Variants in RASSF8 observed in about 807,000 individuals in gnomAD.
The protein encoded by RASSF8 is ras association domain-containing protein 8.
RASSF8 carries 22 observed loss-of-function variants against 48.5 expected under a neutral mutation model. That is an observed-to-expected ratio of 0.45 (90% CI 0.32 to 0.65). RASSF8 has a LOEUF of 0.65. Among genes scored for constraint, RASSF8 ranks in the 30% least tolerant of loss-of-function variants. The probability of loss-of-function intolerance (pLI) is 0.03; values close to 1 mark genes in which losing one functional copy is unlikely to be tolerated. For synonymous variants in RASSF8, 127 were observed against 171.5 expected (o/e 0.74, Z 2.03); for missense variants, 418 against 489.2 (o/e 0.85, Z 1.37).
In RASSF8 at chr12:26,057,154, T is replaced by C. The variant is rs148545461; in HGVS notation, c.103+1708T>C. On this transcript the variant is annotated intron_variant, in intron 3 of 5. Coordinates refer to ENST00000689635, the MANE Select transcript of RASSF8 (RefSeq NM_001394098.1). Reference sequence around the variant, plus strand: ...GTTCCATTTTTTTAAAATTACACTTTAAGTTCTAGGGTACATGTGCACAAC... The same window carrying C: ...GTTCCATTTTTTTAAAATTACACTTCAAGTTCTAGGGTACATGTGCACAAC... 9.3e-3 allele frequency among the ~76,000 whole-genome samples: 1,407 copies of C among 151,584 alleles called. 15 individuals carry two copies. The highest frequency in any genetic ancestry group is 0.032 in the African/African-American group (1,338 of 41,212).
chr12:25,968,151 C>T (rs1941401122), intron 1 of RASSF8, among the ~76,000 whole-genome samples: 1 of 152,186 alleles, frequency 6.6e-6, no homozygotes, highest in Non-Finnish European at 1.5e-5. Context: ...ACTCACTCCC[C>T]AGCCAGGTAC....
chr12:26,042,978 G>C (rs995485017), intron 2 of RASSF8, among the ~76,000 whole-genome samples: 2 of 152,066 alleles, frequency 1.3e-5, no homozygotes, highest in Non-Finnish European at 2.9e-5. Context: ...TTTCTCATTA[G>C]TATTGTGCCC....
rs1230394227 is a variant in RASSF8, at chr12:25,959,151, A to G, written c.-203+3A>G. The G allele has an allele frequency of 2.6e-5, 4 of 151,798 alleles. No individual in the cohort carries two copies. Among genetic ancestry groups the G allele is most frequent in the Non-Finnish European group, 5.9e-5 (4 of 67,910 alleles). 9.4% of individuals were successfully genotyped at this position (151,798 alleles called of 1,614,324 possible). On this transcript the variant is annotated splice_donor_region_variant and intron_variant, in intron 1 of 5. Transcript: ENST00000689635. ...GGGCGGCGCAGTTGCGAAACTGAGT[A>G]AGTATTAACTTTACTTAGCGGCGGC...
At chr12:26,040,431 G>A (rs976996958) in intron 2 of RASSF8, among the ~76,000 whole-genome samples, 11 of 152,312 alleles carry the variant, frequency 7.2e-5, no homozygotes, top group Middle Eastern at 3.4e-3. Flanking sequence ...TGGTGAAGTG[G>A]CATCTTACCC....
chr12:26,064,595 G>T lies in RASSF8; in HGVS notation c.201G>T (p.Gly67=). The change falls in exon 4 of 6, where the codon GGG becomes GGT. Residue 67 remains glycine (G), a synonymous_variant. Coordinates refer to ENST00000689635, the MANE Select transcript of RASSF8 (RefSeq NM_001394098.1). ...CTATCATATCCTTAAACAAATGGGG[G>T]CAGTATGCTAGTGATGTGCAGCTCA... The part of the protein sequence containing the change: ...ENPIISLNKW[G]QYASDVQLIL... 6.2e-7 allele frequency: 1 copy of T among 1,614,114 alleles called. No homozygotes were observed. The highest frequency in any genetic ancestry group is 8.5e-7 in the Non-Finnish European group (1 of 1,179,992).
At chr12:26,042,777 A>G (rs914830006) in intron 2 of RASSF8, among the ~76,000 whole-genome samples, 2 of 152,218 alleles carry the variant, frequency 1.3e-5, no homozygotes, top group Non-Finnish European at 2.9e-5. Context: ...GGTTAGAACA[A>G]TAGCATTTTT....
intron 2 of RASSF8, among the ~76,000 whole-genome samples, chr12:26,033,904 G>C (rs1943077400): frequency 6.6e-6 from 1 of 152,048 alleles, no homozygotes. Flanking sequence ...TTGTAAAATG[G>C]GGATGAGAAT....
downstream of RASSF8, among the ~76,000 whole-genome samples, chr12:26,074,592 C>A (rs1417907883): frequency 6.6e-6 from 1 of 152,030 alleles, no homozygotes; most frequent in African/African-American, 2.4e-5. Flanking sequence ...TTCCACCCGC[C>A]TCGTCCTCCC....
chr12:26,015,347 G>A (rs1294717633), intron 2 of RASSF8, among the ~76,000 whole-genome samples: 1 of 152,164 alleles, frequency 6.6e-6, no homozygotes, highest in East Asian at 1.9e-4. Context: ...TTGAGCCAAA[G>A]ACCACAAAAA....
chr12:26,001,113 T>G (rs1287422813), intron 2 of RASSF8, among the ~76,000 whole-genome samples: 2 of 150,124 alleles, frequency 1.3e-5, no homozygotes, highest in Non-Finnish European at 3.0e-5. Flanking sequence ...GCCTATCGAG[T>G]AGCTGGGACT....
At chr12:25,998,607 A>G (rs959971916) in intron 2 of RASSF8, among the ~76,000 whole-genome samples, 1 of 152,130 alleles carries the variant, frequency 6.6e-6, no homozygotes, top group Non-Finnish European at 1.5e-5. Context: ...TCAGCCTCCC[A>G]AAGTGCTGGG....
At chr12:26,047,473 A>G (rs559239049) in intron 2 of RASSF8, among the ~76,000 whole-genome samples, 1 of 152,318 alleles carries the variant, frequency 6.6e-6, no homozygotes, top group Admixed American at 6.5e-5. Flanking sequence ...TTAATCATTT[A>G]ATTTCAGTTT....
chr12:26,018,545 A>G (rs780020375), intron 2 of RASSF8, among the ~76,000 whole-genome samples: 1 of 152,184 alleles, frequency 6.6e-6, no homozygotes, highest in African/African-American at 2.4e-5. Flanking sequence ...TTCTTAGAGG[A>G]TGATAAAGTT....
chr12:26,016,211 T>G (rs1368512635), intron 2 of RASSF8, among the ~76,000 whole-genome samples: 2 of 151,720 alleles, frequency 1.3e-5, no homozygotes, highest in East Asian at 1.9e-4. Context: ...TTTGGGTTTT[T>G]TTTTTTTTTT....
chr12:26,071,651 C>T lies in RASSF8; in HGVS notation c.*2833C>T, dbSNP rs980966837. On this transcript the variant is annotated 3_prime_UTR_variant, in exon 6 of 6. Coordinates refer to ENST00000689635, the MANE Select transcript of RASSF8 (RefSeq NM_001394098.1). ...TAACATTTTGTTTTTTGTCTTGATG[C>T]ACAGGGACTTTTTTATAATATGAGA... 9 of 984,482 alleles carry T rather than the reference C, an allele frequency of 9.1e-6. No homozygotes were observed. In the Admixed American group the frequency reaches 1.9e-4, roughly 20 times the overall value. 61.0% of individuals were successfully genotyped at this position (984,482 alleles called of 1,614,324 possible). A position where few individuals can be genotyped will look rare whatever the true frequency, so the allele number is the denominator to read the frequency against.
At chr12:25,984,502 C>T (rs1371438569) in intron 1 of RASSF8, among the ~76,000 whole-genome samples, 6 of 152,058 alleles carry the variant, frequency 3.9e-5, no homozygotes, top group Admixed American at 3.9e-4. Flanking sequence ...ACCGCTATGC[C>T]CAGTTAATTT....
At chr12:26,063,862 T>C (rs188182431) in intron 3 of RASSF8, among the ~76,000 whole-genome samples, 1 of 152,282 alleles carries the variant, frequency 6.6e-6, no homozygotes, top group Admixed American at 6.5e-5. Flanking sequence ...AGCTGGTTTT[T>C]TGTTTGTCAT....
intron 1 of RASSF8, among the ~76,000 whole-genome samples, chr12:25,970,974 C>T (rs1941471483): frequency 6.6e-6 from 1 of 152,176 alleles, no homozygotes; most frequent in Non-Finnish European, 1.5e-5. Context: ...AGGAGGTGAT[C>T]GTGCCTTCCT....
chr12:26,031,332 A>G (rs1357967654), intron 2 of RASSF8, among the ~76,000 whole-genome samples: 1 of 152,078 alleles, frequency 6.6e-6, no homozygotes, highest in African/African-American at 2.4e-5. Flanking sequence ...TTTTTTTTCT[A>G]AACACTGCCA....
Sources: allele counts gnomAD v4.1 joint callset (sites outside exome capture counted in the v4.1 genomes callset), GRCh38; gene constraint gnomAD v4.1.1; transcripts MANE v1.5; gene names NCBI Gene and HGNC (gene_info 2026-07-23, HGNC 2026-07-21).